The following ADK variants were observed in gnomAD, a reference collection of about 807,000 sequenced individuals.
ADK encodes N6,N6-dimethyladenosine kinase.
A neutral mutation model predicts 44.7 loss-of-function variants in ADK; 24 were observed. The ratio of observed to expected loss-of-function variants is 0.54; its 90% CI spans 0.39 to 0.76. The LOEUF (loss-of-function observed/expected upper bound fraction) is 0.76. ADK is among the 30% of genes least tolerant of loss of function. The pLI is 0.00. For missense variants in ADK, 321 were observed against 425.1 expected (o/e 0.76, Z 2.15); for synonymous variants, 128 against 142.6 (o/e 0.90, Z 0.73).
intron 9 of ADK, among the ~76,000 whole-genome samples, chr10:74,601,938 G>T (rs4746207): frequency 0.028 from 1,850 of 66,428 alleles, 26 homozygotes; most frequent in African/African-American, 0.18. Flanking sequence ...AAAAAAAAAT[G>T]GAAAAAAAAA....
chr10:74,703,026 G>T (rs1302438336), intron 10 of ADK, among the ~76,000 whole-genome samples: 1 of 152,210 alleles, frequency 6.6e-6, no homozygotes, highest in African/African-American at 2.4e-5. Context: ...GTGCACAGCA[G>T]ATGGACATGA....
At chr10:74,645,717 T>G (rs1854031255) in intron 9 of ADK, among the ~76,000 whole-genome samples, 2 of 152,232 alleles carry the variant, frequency 1.3e-5, no homozygotes, top group South Asian at 4.1e-4. Context: ...GTAAGTGATA[T>G]CCCCACCTGT....
At chr10:74,160,690 G>GGTGTGTGTGTGTGTGT (rs779393232) in intron 1 of ADK, among the ~76,000 whole-genome samples, 1 of 136,232 alleles carries the variant, frequency 7.3e-6, no homozygotes, top group African/African-American at 2.8e-5. Flanking sequence ...TGCAGGTAGG[G>GGTGTGTGTGTGTGTGT]GTGTGTGTGT....
At chr10:74,693,890 A>G (rs898923962) in intron 10 of ADK, among the ~76,000 whole-genome samples, 10 of 152,194 alleles carry the variant, frequency 6.6e-5, no homozygotes, top group African/African-American at 2.4e-4. Flanking sequence ...TCCAGTGGCT[A>G]CAATTACTAA....
chr10:74,387,438 T>C (rs1843183417), intron 4 of ADK, among the ~76,000 whole-genome samples: 1 of 152,236 alleles, frequency 6.6e-6, no homozygotes, highest in South Asian at 2.1e-4. Context: ...CACTTTTGGC[T>C]GAAACGAATT....
At chr10:74,188,100 G>A (rs1352439318) in intron 1 of ADK, among the ~76,000 whole-genome samples, 4 of 152,038 alleles carry the variant, frequency 2.6e-5, no homozygotes, top group Non-Finnish European at 5.9e-5. Flanking sequence ...TTTTCCTGTG[G>A]CAGTTTTAAG....
At chr10:74,237,132 G>C (rs1164808008) in intron 3 of ADK, among the ~76,000 whole-genome samples, 2 of 152,186 alleles carry the variant, frequency 1.3e-5, no homozygotes, top group African/African-American at 4.8e-5. Flanking sequence ...CTGTCTGATA[G>C]CATGTTACCC....
At chr10:74,264,346 A>G (rs1001563589) in intron 3 of ADK, among the ~76,000 whole-genome samples, 24 of 152,260 alleles carry the variant, frequency 1.6e-4, no homozygotes, top group African/African-American at 5.8e-4. Context: ...GTAGGTGTGA[A>G]CTGTATCTCA....
intron 9 of ADK, among the ~76,000 whole-genome samples, chr10:74,647,241 A>G (rs951643420): frequency 1.3e-5 from 2 of 152,208 alleles, no homozygotes; most frequent in Non-Finnish European, 2.9e-5. Flanking sequence ...AAAAAAAGAT[A>G]GCTACCCACA....
chr10:74,274,732 G>GTGTATATGTATATATATATATATATA (rs1554836801), intron 3 of ADK, among the ~76,000 whole-genome samples: 1 of 84,166 alleles, frequency 1.2e-5, no homozygotes, highest in Non-Finnish European at 2.6e-5. Context: ...TTTAATGTGT[G>GTGTATATGTATATATATATATATATA]TATATATATA....
intron 2 of ADK, among the ~76,000 whole-genome samples, chr10:74,209,335 C>A (rs1735053275): frequency 6.6e-6 from 1 of 152,192 alleles, no homozygotes; most frequent in African/African-American, 2.4e-5. Flanking sequence ...AGACACCAAT[C>A]TTGCTGGTGC....
intron 6 of ADK, among the ~76,000 whole-genome samples, chr10:74,412,361 G>A (rs1167035071): frequency 6.6e-6 from 1 of 151,962 alleles, no homozygotes; most frequent in Non-Finnish European, 1.5e-5. Context: ...GGCTGGTCTC[G>A]AACTGCTGGG....
chr10:74,238,517 CA>C (rs1473827958), intron 3 of ADK, among the ~76,000 whole-genome samples: 1 of 152,016 alleles, frequency 6.6e-6, no homozygotes, highest in Non-Finnish European at 1.5e-5. Flanking sequence ...TTACCTTGTG[CA>C]CTAAAAAAAT....
intron 9 of ADK, among the ~76,000 whole-genome samples, chr10:74,609,906 A>G (rs1852479389): frequency 1.3e-5 from 2 of 152,142 alleles, no homozygotes. Context: ...TTTATGGGTC[A>G]TACCTCTTTC....
At chr10:74,181,070 A>G (rs1842536240) in intron 1 of ADK, among the ~76,000 whole-genome samples, 1 of 152,230 alleles carries the variant, frequency 6.6e-6, no homozygotes, top group South Asian at 2.1e-4. Flanking sequence ...AAACAAATTT[A>G]CCTATCTAAT....
chr10:74,696,427 C>G (rs1856209010), intron 10 of ADK, among the ~76,000 whole-genome samples: 1 of 151,094 alleles, frequency 6.6e-6, no homozygotes, highest in Non-Finnish European at 1.5e-5. Flanking sequence ...GTTCAGTGGC[C>G]CGATCTCGGC....
At chr10:74,510,343 T>A (rs1288314578) in intron 6 of ADK, among the ~76,000 whole-genome samples, 1 of 152,220 alleles carries the variant, frequency 6.6e-6, no homozygotes, top group Non-Finnish European at 1.5e-5. Flanking sequence ...ATATATTTGT[T>A]GGCCATTTGT....
At chr10:74,324,537 A>G (rs1840941922) in intron 4 of ADK, among the ~76,000 whole-genome samples, 1 of 152,182 alleles carries the variant, frequency 6.6e-6, no homozygotes. Context: ...TTCTGTTAAC[A>G]AGTTATTCTC....
intron 6 of ADK, among the ~76,000 whole-genome samples, chr10:74,476,210 C>T (rs760830706): frequency 6.6e-6 from 1 of 152,030 alleles, no homozygotes; most frequent in Non-Finnish European, 1.5e-5. Context: ...TTAAAAATTG[C>T]TGGCTGGGTA....
Sources: allele counts gnomAD v4.1 joint callset (sites outside exome capture counted in the v4.1 genomes callset), GRCh38; gene constraint gnomAD v4.1.1; transcripts MANE v1.5; gene names NCBI Gene and HGNC (gene_info 2026-07-23, HGNC 2026-07-21).